ANO3: variants seen among roughly 807,000 people sequenced by gnomAD.
The protein encoded by ANO3 is anoctamin-3.
A neutral mutation model predicts 144.8 loss-of-function variants in ANO3; 99 were observed. The observed-to-expected ratio is 0.68, with a 90% CI of 0.58 to 0.81. ANO3 has a LOEUF of 0.81. Among genes scored for constraint, ANO3 ranks in the 30% least tolerant of loss-of-function variants. The pLI is 0.00. For synonymous variants in ANO3, 414 were observed against 392.6 expected (o/e 1.05, Z -0.64); for missense variants, 905 against 1,202.2 (o/e 0.75, Z 3.66).
At chr11:26,456,175 A>G (rs1859151697) in intron 3 of ANO3, among the ~76,000 whole-genome samples, 1 of 152,212 alleles carries the variant, frequency 6.6e-6, no homozygotes. Context: ...CAAGGACTTC[A>G]TGTCTAAAAC....
At chr11:26,526,579 C>T (rs1337667413) in intron 7 of ANO3, among the ~76,000 whole-genome samples, 1 of 151,918 alleles carries the variant, frequency 6.6e-6, no homozygotes, top group Admixed American at 6.6e-5. Flanking sequence ...AGTTTCTTTA[C>T]CAAATAAAAT....
chr11:26,286,485 T>C (rs1853810207), intron 1 of ANO3, among the ~76,000 whole-genome samples: 1 of 152,210 alleles, frequency 6.6e-6, no homozygotes, highest in African/African-American at 2.4e-5. Flanking sequence ...TCCCCCGTGA[T>C]TCTAATGTGT....
chr11:26,430,577 C>A (rs540025486), intron 1 of ANO3, among the ~76,000 whole-genome samples: 1 of 151,444 alleles, frequency 6.6e-6, no homozygotes, highest in Admixed American at 6.6e-5. Context: ...TAATTCCTAA[C>A]GCAAGAGGTT....
rs931218574 is a variant in ANO3, at chr11:26,565,977, T to C, written c.1447+6198T>C. 12 of 1,295,120 alleles carry C rather than the reference T, an allele frequency of 9.3e-6. No homozygotes were observed. In the East Asian group the frequency reaches 2.3e-4, roughly 25 times the overall value. 80.2% of individuals were successfully genotyped at this position (1,295,120 alleles called of 1,614,324 possible). A position where few individuals can be genotyped will look rare whatever the true frequency, so the allele number is the denominator to read the frequency against. On this transcript the variant is annotated intron_variant, in intron 14 of 26. Transcript: ENST00000256737. ...AATGGATCTATATATTTTAAAGTGA[T>C]AAAAATCTAGACATAATATAGAGAT...
intron 1 of ANO3, among the ~76,000 whole-genome samples, chr11:26,206,168 T>C (rs1851792058): frequency 6.6e-6 from 1 of 152,220 alleles, no homozygotes; most frequent in South Asian, 2.1e-4. Context: ...GTTCAATTTC[T>C]AAATTACTAA....
At chr11:26,503,511 A>G (rs1226110098) in intron 4 of ANO3, among the ~76,000 whole-genome samples, 49 of 152,184 alleles carry the variant, frequency 3.2e-4, no homozygotes, top group Admixed American at 3.2e-3. Context: ...TAAAACCTGT[A>G]CTGAGTTCTT....
chr11:26,360,910 C>T (rs1304315159), intron 1 of ANO3, among the ~76,000 whole-genome samples: 4 of 152,112 alleles, frequency 2.6e-5, no homozygotes, highest in Non-Finnish European at 5.9e-5. Flanking sequence ...ACTGTTATTA[C>T]GTGGATAACC....
intron 14 of ANO3, among the ~76,000 whole-genome samples, chr11:26,564,079 A>G (rs1456458724): frequency 2.0e-5 from 3 of 151,834 alleles, no homozygotes; most frequent in Non-Finnish European, 4.4e-5. Context: ...GTTAGAGTAC[A>G]GTAAACTTGT....
At chr11:26,506,717 A>T (rs537835020) in intron 4 of ANO3, among the ~76,000 whole-genome samples, 1 of 152,274 alleles carries the variant, frequency 6.6e-6, no homozygotes, top group African/African-American at 2.4e-5. Context: ...CTTGAACTTA[A>T]TCTCTCTGCA....
chr11:26,484,962 T>A (rs1860385225), intron 4 of ANO3, among the ~76,000 whole-genome samples: 2 of 152,212 alleles, frequency 1.3e-5, no homozygotes, highest in Non-Finnish European at 2.9e-5. Flanking sequence ...TTTGTCAAAT[T>A]TCTCCCTTTT....
intron 14 of ANO3, among the ~76,000 whole-genome samples, chr11:26,584,115 AG>A (rs2132867683): frequency 6.6e-6 from 1 of 151,972 alleles, no homozygotes; most frequent in East Asian, 1.9e-4. Flanking sequence ...CAGATAAAGA[AG>A]GGGCTTCCCT....
chr11:26,480,469 A>G (rs977908031), intron 4 of ANO3, among the ~76,000 whole-genome samples: 2 of 152,080 alleles, frequency 1.3e-5, no homozygotes, highest in Non-Finnish European at 2.9e-5. Flanking sequence ...TATGTATTTC[A>G]TAGTAGTAGT....
At chr11:26,620,208 A>C (rs1484583625) in intron 17 of ANO3, among the ~76,000 whole-genome samples, 1 of 152,170 alleles carries the variant, frequency 6.6e-6, no homozygotes, top group African/African-American at 2.4e-5. Context: ...TTTTAATGAA[A>C]ATTAAATATG....
intron 1 of ANO3, among the ~76,000 whole-genome samples, chr11:26,423,574 G>A (rs567037264): frequency 2.6e-5 from 4 of 151,548 alleles, no homozygotes; most frequent in Admixed American, 1.3e-4. Context: ...AAAGATCAAC[G>A]TAAGAAATAC....
At chr11:26,546,210 A>G (rs1849783882) in intron 11 of ANO3, among the ~76,000 whole-genome samples, 5 of 151,884 alleles carry the variant, frequency 3.3e-5, no homozygotes, top group African/African-American at 7.2e-5. Context: ...ATAAGTTTCC[A>G]TCTCACAGTA....
intron 17 of ANO3, among the ~76,000 whole-genome samples, chr11:26,606,436 A>T (rs773428305): frequency 1.3e-5 from 2 of 152,166 alleles, no homozygotes; most frequent in Non-Finnish European, 2.9e-5. Context: ...GTTGATGTCT[A>T]TTAGATCTGC....
intron 3 of ANO3, chr11:26,460,174 T>G (rs753946496): frequency 5.1e-6 from 2 of 390,376 alleles, no homozygotes; most frequent in African/African-American, 4.3e-5. Flanking sequence ...TCTAATATTA[T>G]TTGTTTTCTT....
intron 9 of ANO3, among the ~76,000 whole-genome samples, chr11:26,534,914 T>TA (rs1849466004): frequency 2.0e-5 from 3 of 152,174 alleles, no homozygotes. Context: ...GGAAATACCT[T>TA]ACGTGTCCAT....
chr11:26,651,806 G>A (rs1159845717), intron 24 of ANO3, among the ~76,000 whole-genome samples: 1 of 152,138 alleles, frequency 6.6e-6, no homozygotes, highest in East Asian at 1.9e-4. Flanking sequence ...AGGCCTACAG[G>A]AAGTTACTTA....
Sources: gnomAD v4.1 joint callset for allele counts (sites outside exome capture counted in the v4.1 genomes callset) on GRCh38, gnomAD v4.1.1 for gene constraint, MANE v1.5 for transcripts, NCBI Gene and HGNC (gene_info 2026-07-23, HGNC 2026-07-21) for gene names.